ENOX2: variants seen among roughly 807,000 people sequenced by gnomAD.
ENOX2 encodes ecto-NOX disulfide-thiol exchanger 2, also known as APK1 antigen.
ENOX2 carries 36 observed loss-of-function variants against 45.0 expected under a neutral mutation model. The ratio of observed to expected loss-of-function variants is 0.80; its 90% confidence interval spans 0.61 to 1.06. The LOEUF is 1.06. Ranked by LOEUF, ENOX2 falls within the 50% of genes least tolerant of loss-of-function variation. ENOX2 has a pLI of 0.00. For synonymous variants in ENOX2, 174 were observed against 152.3 expected (o/e 1.14, Z -1.05); for missense variants, 423 against 462.5 (o/e 0.91, Z 0.78).
chrX:130,882,804 GT>G (rs1191223782), intron 2 of ENOX2, among the ~76,000 whole-genome samples: 1 of 111,781 alleles, frequency 8.9e-6, no homozygotes, highest in Non-Finnish European at 1.9e-5. Context: ...TAGCACACAG[GT>G]GGGCAAACAG....
At chrX:130,891,813 T>A (rs888135025) in intron 2 of ENOX2, among the ~76,000 whole-genome samples, 1 of 111,897 alleles carries the variant, frequency 8.9e-6, no homozygotes, top group Non-Finnish European at 1.9e-5. Context: ...ATAAATTACA[T>A]GCTGATTCAA....
chrX:130,888,585 G>A (rs2078943474), intron 2 of ENOX2, among the ~76,000 whole-genome samples: 1 of 111,997 alleles, frequency 8.9e-6, no homozygotes, highest in African/African-American at 3.2e-5. Flanking sequence ...TTTGTAAATT[G>A]TAAAGGGTTA....
chrX:130,654,560 C>T (rs1420364507), intron 10 of ENOX2, among the ~76,000 whole-genome samples: 1 of 111,930 alleles, frequency 8.9e-6, no homozygotes, highest in Non-Finnish European at 1.9e-5. Flanking sequence ...TTTTCACTGG[C>T]TCACAATGAG....
chrX:130,752,998 A>C (rs1298698083), intron 3 of ENOX2, among the ~76,000 whole-genome samples: 3 of 107,976 alleles, frequency 2.8e-5, no homozygotes, highest in African/African-American at 1.0e-4. Flanking sequence ...CTAACTCTTC[A>C]TCTCTCTGCA....
intron 2 of ENOX2, among the ~76,000 whole-genome samples, chrX:130,841,902 C>CA (rs1426363952): frequency 8.9e-6 from 1 of 112,072 alleles, no homozygotes; most frequent in African/African-American, 3.2e-5. Context: ...GGGATTCACA[C>CA]AAAAAAAGAA....
intron 12 of ENOX2, among the ~76,000 whole-genome samples, chrX:130,634,100 AG>A (rs894111479): frequency 1.2e-4 from 13 of 112,329 alleles, no homozygotes; most frequent in African/African-American, 3.9e-4. Flanking sequence ...AAACACACTC[AG>A]GGCCTGTATG....
chrX:130,850,755 G>A (rs768897100), intron 2 of ENOX2, among the ~76,000 whole-genome samples: 1 of 112,361 alleles, frequency 8.9e-6, no homozygotes, highest in South Asian at 3.7e-4. Context: ...TGCAAGTAAG[G>A]AAGTCTCCAA....
intron 2 of ENOX2, among the ~76,000 whole-genome samples, chrX:130,791,204 G>A (rs1358895190): frequency 9.0e-6 from 1 of 111,418 alleles, no homozygotes; most frequent in Non-Finnish European, 1.9e-5. Context: ...TTTAGAGCAT[G>A]CCTTGTGTTA....
intron 2 of ENOX2, among the ~76,000 whole-genome samples, chrX:130,857,179 TA>T (rs2078323326): frequency 9.0e-6 from 1 of 111,696 alleles, no homozygotes; most frequent in African/African-American, 3.3e-5. Flanking sequence ...ATCTAAAAAA[TA>T]AAAATGCTAA....
At position 130,688,882 on chromosome X, in the gene ENOX2, C is replaced by G. The variant is rs373937044; in HGVS notation, c.234G>C (p.Thr78=). ...VKEIIHCKSC[T]LFPPNPNLPP... ...TATTACTTGGATTTGGAGGGAAGAG[C>G]GTGCAGCTTTTACAGTGTATGATCT... is the stretch of plus-strand genomic sequence containing the variant. The change falls in exon 5 of 15, where the codon ACG becomes ACC. Residue 78 remains threonine (T), a synonymous_variant. Transcript: ENST00000394363. 2.5e-6 allele frequency: 3 copies of G among 1,197,697 alleles called. No homozygotes were observed. The highest frequency in any genetic ancestry group is 4.4e-5 in the Admixed American group (2 of 45,324).
chrX:130,825,864 A>G (rs1302072268), intron 2 of ENOX2, among the ~76,000 whole-genome samples: 1 of 111,279 alleles, frequency 9.0e-6, no homozygotes. Context: ...AAAAAGAGAG[A>G]GAGGGAGGAA....
At chrX:130,646,318 T>C (rs1402853933) in intron 10 of ENOX2, 3 of 304,674 alleles carry the variant, frequency 9.8e-6, no homozygotes, top group South Asian at 8.1e-5. Flanking sequence ...GCCAGAGCTC[T>C]TCCCTGCATG....
intron 6 of ENOX2, among the ~76,000 whole-genome samples, chrX:130,670,446 T>C (rs764726167): frequency 9.0e-6 from 1 of 111,072 alleles, no homozygotes; most frequent in South Asian, 3.9e-4. Context: ...TTCTATGGGT[T>C]GGGTTAGTCT....
In ENOX2 at chrX:130,622,722, GA is replaced by G. The variant is rs1192666551; in HGVS notation, c.*2591del. 8.9e-6 allele frequency among the ~76,000 whole-genome samples: 1 copy of G among 112,246 alleles called. No homozygotes were observed. Among genetic ancestry groups the G allele is most frequent in the Non-Finnish European group, 1.9e-5 (1 of 53,282 alleles). On this transcript the variant is annotated 3_prime_UTR_variant, in exon 15 of 15. Coordinates refer to ENST00000394363, the MANE Select transcript of ENOX2 (RefSeq NM_006375.4). Reference sequence around the variant, plus strand: ...TCATTAATAGATTTCTATGATGGATGAAAAGGTTTGTGAGAGATGGTATGTG... The same window carrying G: ...TCATTAATAGATTTCTATGATGGATGAAAGGTTTGTGAGAGATGGTATGTG...
intron 2 of ENOX2, among the ~76,000 whole-genome samples, chrX:130,796,475 T>C (rs1340567049): frequency 8.9e-6 from 1 of 112,175 alleles, no homozygotes; most frequent in African/African-American, 3.2e-5. Context: ...CACTTGACCT[T>C]TACTAGGTAT....
intron 2 of ENOX2, among the ~76,000 whole-genome samples, chrX:130,786,632 C>T (rs2148403018): frequency 1.1e-5 from 1 of 94,851 alleles, no homozygotes; most frequent in Non-Finnish European, 2.1e-5. Flanking sequence ...CAATTCCCAC[C>T]TATGAGTGAG....
At chrX:130,779,286 C>T (rs1303894732) in intron 3 of ENOX2, among the ~76,000 whole-genome samples, 2 of 112,323 alleles carry the variant, frequency 1.8e-5, no homozygotes, top group Non-Finnish European at 3.8e-5. Context: ...AGAGGAAACA[C>T]ACTCTGAAGA....
intron 2 of ENOX2, among the ~76,000 whole-genome samples, chrX:130,872,245 G>A (rs1171140076): frequency 1.1e-4 from 12 of 112,395 alleles, no homozygotes; most frequent in South Asian, 3.6e-4. Flanking sequence ...GCAAAAGCAC[G>A]TATTAAGCTA....
intron 10 of ENOX2, among the ~76,000 whole-genome samples, chrX:130,638,876 A>G (rs2036006220): frequency 9.0e-6 from 1 of 111,444 alleles, no homozygotes; most frequent in African/African-American, 3.3e-5. Context: ...AATCCCAGCT[A>G]CTCAGGAGGC....
Sources: allele counts gnomAD v4.1 joint callset (sites outside exome capture counted in the v4.1 genomes callset), GRCh38; gene constraint gnomAD v4.1.1; transcripts MANE v1.5; gene names NCBI Gene and HGNC (gene_info 2026-07-23, HGNC 2026-07-21).